The following NLRP13 variants were observed in gnomAD, a reference collection of about 807,000 sequenced individuals.
NLRP13 encodes the protein NLR family pyrin domain containing 13.
NLRP13 carries 82 observed loss-of-function variants against 94.4 expected under a neutral mutation model. The ratio of observed to expected loss-of-function variants is 0.87; its 90% CI spans 0.73 to 1.04. NLRP13 has a LOEUF of 1.04. Ranked by LOEUF, NLRP13 falls within the 50% of genes least tolerant of loss-of-function variation. The pLI, the probability that NLRP13 is intolerant of heterozygous loss-of-function variation, is 0.00. For missense variants in NLRP13, 1,426 were observed against 1,230.8 expected, an observed-to-expected ratio of 1.16 and a Z score of -2.37; for synonymous variants, 553 against 464.7, an observed-to-expected ratio of 1.19 and a Z score of -2.45.
In NLRP13 at chr19:55,911,941, C is replaced by G; in HGVS notation, c.1876G>C (p.Ala626Pro). ...TGAAATTGGAGAGAGGCACTTTCAG[C>G]CTTACCTAACTCTTCTCCCCACTTT... ...LLKWGEELGKAESASLQFHIL... is the reference protein window; with the variant it reads ...LLKWGEELGKPESASLQFHIL... The change falls in exon 5 of 11, where the codon GCT (alanine) becomes CCT (proline). Residue 626 changes from alanine to proline, a missense_variant. Physicochemically the swap from Ala to Pro is conservative, Grantham distance 27. Coordinates refer to ENST00000342929, the MANE Select transcript of NLRP13 (RefSeq NM_176810.2). 6.2e-7 allele frequency: 1 copy of G among 1,614,164 alleles called. No homozygotes were observed. The highest frequency in any genetic ancestry group is 8.5e-7 in the Non-Finnish European group (1 of 1,180,016).
rs1424603384 is a variant in NLRP13, at chr19:55,924,960, T to G, written c.388+7A>C. On this transcript the variant is annotated splice_region_variant and intron_variant, in intron 2 of 10. Transcript: ENST00000342929. ...TGTCCATTATCAACTTAAAGTAGTG[T>G]ACACACCTGCTGCTGCTTCTAGCAT... 2 of 1,613,242 alleles carry G rather than the reference T, an allele frequency of 1.2e-6. No homozygotes were observed. The highest frequency in any genetic ancestry group is 1.7e-6 in the Non-Finnish European group (2 of 1,179,154).
intron 8 of NLRP13, among the ~76,000 whole-genome samples, chr19:55,904,562 A>C (rs1037657124): frequency 2.0e-5 from 3 of 152,062 alleles, no homozygotes; most frequent in African/African-American, 7.2e-5. Flanking sequence ...GTTTTTCTTC[A>C]TATCTATTGT....
intron 8 of NLRP13, among the ~76,000 whole-genome samples, chr19:55,903,630 C>G (rs569039045): frequency 5.3e-5 from 8 of 152,214 alleles, no homozygotes; most frequent in African/African-American, 1.9e-4. Flanking sequence ...TCTTCTTACC[C>G]AGACCCTGCT....
In NLRP13 at chr19:55,912,373, C is replaced by G. The variant is rs937175336; in HGVS notation, c.1444G>C (p.Ala482Pro). The change falls in exon 5 of 11, where the codon GCC (alanine) becomes CCC (proline). Residue 482 changes from alanine (A) to proline (P), a missense_variant. Physicochemically the swap from Ala to Pro is conservative, Grantham distance 27. Coordinates refer to ENST00000342929, the MANE Select transcript of NLRP13 (RefSeq NM_176810.2). ...CCTTCTATGGCCAGACTGCAGAGGG[C>G]CCTCCATTGTCCTGGCCAGCTGTCA... ...ADDSWPGQWR[A>P]LCSLAIEGLW... 6.2e-7 allele frequency: 1 copy of G among 1,613,980 alleles called. No individual in the cohort carries two copies.
chr19:55,923,904 G>T lies in NLRP13; in HGVS notation c.523+10C>A. 2 of 1,607,904 alleles carry T rather than the reference G, an allele frequency of 1.2e-6. No individual in the cohort carries two copies. The highest frequency in any genetic ancestry group is 3.3e-4 in the Middle Eastern group (2 of 6,056). ...ACCTGTCCATTATCAACATAAAGTAGTATACACACCTGCTTCCTCTAGCAT... is the reference window on the plus strand; with the variant it reads ...ACCTGTCCATTATCAACATAAAGTATTATACACACCTGCTTCCTCTAGCAT... On this transcript the variant is annotated intron_variant, in intron 4 of 10. Coordinates refer to ENST00000342929, the MANE Select transcript of NLRP13 (RefSeq NM_176810.2).
In NLRP13 at chr19:55,898,777, T is replaced by C. The variant is rs746232915; in HGVS notation, c.2950A>G (p.Thr984Ala). The C allele has an allele frequency of 3.7e-6, 6 of 1,606,244 alleles. No homozygotes were observed. ...AGAACAGCATCAACTCACCCAAGTG[T>C]GTGCAATGCACGATGTGGTTTCAGA... is the stretch of plus-strand genomic sequence containing the variant. ...EALKPHRALHTLGLAKCNLTT... is the reference protein window; with the variant it reads ...EALKPHRALHALGLAKCNLTT... The change falls in exon 10 of 11, where the codon ACA (threonine) becomes GCA (alanine). Residue 984 changes from threonine (T) to alanine (A), a missense_variant. By Grantham distance (58) the Thr-to-Ala change is moderately conservative. Transcript: ENST00000342929.
At chr19:55,930,900 A>ATACACGT (rs56336813) in intron 1 of NLRP13, among the ~76,000 whole-genome samples, 1 of 105,132 alleles carries the variant, frequency 9.5e-6, no homozygotes, top group African/African-American at 3.7e-5. Flanking sequence ...ATATATATAA[A>ATACACGT]ATTTTAACCA....
chr19:55,930,900 A>ATGT (rs56336813), intron 1 of NLRP13, among the ~76,000 whole-genome samples: 8 of 105,122 alleles, frequency 7.6e-5, no homozygotes, highest in African/African-American at 3.0e-4. Context: ...ATATATATAA[A>ATGT]ATTTTAACCA....
chr19:55,894,337 C>T (rs1985940807), downstream of NLRP13, among the ~76,000 whole-genome samples: 2 of 152,104 alleles, frequency 1.3e-5, no homozygotes, highest in African/African-American at 4.8e-5. Flanking sequence ...CAACTGCAGC[C>T]AACCTGCTTA....
intron 1 of NLRP13, among the ~76,000 whole-genome samples, chr19:55,928,700 G>A (rs1281984404): frequency 6.6e-6 from 1 of 152,170 alleles, no homozygotes; most frequent in African/African-American, 2.4e-5. Context: ...GAATTTAAGA[G>A]TTCTAAATCT....
At chr19:55,930,624 T>A (rs576261568) in intron 1 of NLRP13, among the ~76,000 whole-genome samples, 16 of 136,830 alleles carry the variant, frequency 1.2e-4, no homozygotes, top group Non-Finnish European at 2.3e-4. Context: ...AGGCGGAGAG[T>A]GCAGTAAGCC....
At chr19:55,901,369 T>C (rs1277900850) in intron 9 of NLRP13, among the ~76,000 whole-genome samples, 1 of 152,194 alleles carries the variant, frequency 6.6e-6, no homozygotes, top group Non-Finnish European at 1.5e-5. Context: ...GCTAAACGTT[T>C]GAACTTTTTC....
intron 10 of NLRP13, 113 bp downstream of exon 10, chr19:55,898,657 A>C: frequency 1.7e-6 from 2 of 1,161,020 alleles, no homozygotes; most frequent in African/African-American, 1.6e-5. Flanking sequence ...GATTTCTTAG[A>C]TGGCTTGTCC....
In NLRP13 at chr19:55,924,574, C is replaced by T; in HGVS notation, c.457+16G>A. 1 of 1,593,734 alleles carries T rather than the reference C, an allele frequency of 6.3e-7. No homozygotes were observed. The highest frequency in any genetic ancestry group is 8.6e-7 in the Non-Finnish European group (1 of 1,163,996). On this transcript the variant is annotated intron_variant, in intron 3 of 10. Coordinates refer to ENST00000342929, the MANE Select transcript of NLRP13 (RefSeq NM_176810.2). ...ATCAAGCAACCTGTCAATTATCAAC[C>T]AAGTAATGTACACACCTGTTTCTTC...
chr19:55,914,695 ATCACAAATGATAGAATTTGTGTTG>A (rs1277659647), intron 4 of NLRP13, among the ~76,000 whole-genome samples: 2 of 152,224 alleles, frequency 1.3e-5, no homozygotes, highest in Non-Finnish European at 2.9e-5. Flanking sequence ...TTACCATAAT[ATCACAAATGATAGAATTTGTGTTG>A]TCACAAATGA....
Position 55,924,959 on chromosome 19 carries a change from G to A in NLRP13, c.388+8C>T. 5 of 1,612,818 alleles carry A rather than the reference G, an allele frequency of 3.1e-6. No individual in the cohort carries two copies. The highest frequency in any genetic ancestry group is 1.7e-5 in the Admixed American group (1 of 60,014). ...CTGTCCATTATCAACTTAAAGTAGT[G>A]TACACACCTGCTGCTGCTTCTAGCA... is the stretch of plus-strand genomic sequence containing the variant. On this transcript the variant is annotated splice_region_variant and intron_variant, in intron 2 of 10. Coordinates refer to ENST00000342929, the MANE Select transcript of NLRP13 (RefSeq NM_176810.2).
Position 55,902,176 on chromosome 19 carries a change from G to A in NLRP13, c.2648C>T (p.Ala883Val), listed in dbSNP as rs1600260627. 6.2e-7 allele frequency: 1 copy of A among 1,613,972 alleles called. No homozygotes were observed. Among genetic ancestry groups the A allele is most frequent in the Non-Finnish European group, 8.5e-7 (1 of 1,179,958 alleles). ...ELWFCQLAAP[A>V]CKHLSDALLQ... is the part of the protein sequence containing the mutation. ...GAGAGCATCTGACAAGTGCTTGCAA[G>A]CGGGTGCTGCCAGCTGGCAAAACCA... The change falls in exon 9 of 11, where the codon GCT (alanine) becomes GTT (valine). Residue 883 changes from alanine (A) to valine (V), a missense_variant. By Grantham distance (64) the Ala-to-Val change is moderately conservative. Coordinates refer to ENST00000342929, the MANE Select transcript of NLRP13 (RefSeq NM_176810.2).
chr19:55,930,874 T>TTTTTTATATATATA (rs55900335), intron 1 of NLRP13, among the ~76,000 whole-genome samples: 10 of 70,208 alleles, frequency 1.4e-4, no homozygotes, highest in Non-Finnish European at 2.5e-4. Context: ...GAATCAGTGA[T>TTTTTTATATATATA]TATATATATA....
At chr19:55,925,896 C>T (rs149672588) in intron 1 of NLRP13, among the ~76,000 whole-genome samples, 1 of 152,054 alleles carries the variant, frequency 6.6e-6, no homozygotes, top group East Asian at 1.9e-4. Context: ...CATTCTACAC[C>T]CATGTTAGCC....
Sources: allele counts gnomAD v4.1 joint callset (sites outside exome capture counted in the v4.1 genomes callset), GRCh38; gene constraint gnomAD v4.1.1; transcripts MANE v1.5; gene names NCBI Gene and HGNC (gene_info 2026-07-23, HGNC 2026-07-21).